TDRD9: variants seen among roughly 807,000 people sequenced by gnomAD.
TDRD9 encodes the protein tudor domain containing 9.
A neutral mutation model predicts 172.6 loss-of-function variants in TDRD9; 124 were observed. The observed-to-expected ratio is 0.72, with a 90% CI of 0.62 to 0.83. The LOEUF (loss-of-function observed/expected upper bound fraction) is 0.83, where lower values mean the gene tolerates loss of function less well. Among genes scored for constraint, TDRD9 ranks in the 40% least tolerant of loss-of-function variants. The probability of loss-of-function intolerance (pLI) is 0.00; values close to 1 mark genes in which losing one functional copy is unlikely to be tolerated. For synonymous variants in TDRD9, 619 were observed against 617.1 expected (o/e 1.00, Z -0.05); for missense variants, 1,479 against 1,714.1 (o/e 0.86, Z 2.42).
chr14:104,009,190 G>T (rs868844179), intron 20 of TDRD9, among the ~76,000 whole-genome samples: 1 of 152,162 alleles, frequency 6.6e-6, no homozygotes, highest in African/African-American at 2.4e-5. Context: ...AAGTATTTCT[G>T]TACCTAAACA....
chr14:104,008,558 A>G, intron 20 of TDRD9, 92 bp downstream of exon 20: 2 of 816,312 alleles, frequency 2.5e-6, no homozygotes, highest in Non-Finnish European at 4.1e-6. Context: ...GTACGTGGGT[A>G]GTAATGAGTA....
intron 28 of TDRD9, among the ~76,000 whole-genome samples, chr14:104,027,370 G>T (rs1322436902): frequency 6.6e-6 from 1 of 151,930 alleles, no homozygotes; most frequent in African/African-American, 2.4e-5. Context: ...TATCTTCTTA[G>T]GATAGATTTG....
intron 11 of TDRD9, among the ~76,000 whole-genome samples, chr14:103,995,484 A>G (rs117615164): frequency 0.011 from 1,619 of 152,240 alleles, 10 homozygotes; most frequent in Middle Eastern, 0.017. Context: ...AAGTTACCAC[A>G]CCAGAAGTCA....
At chr14:103,956,079 TAAAAAAAAAAAAAAAAAAAA>T (rs60712068) in intron 2 of TDRD9, among the ~76,000 whole-genome samples, 2 of 25,192 alleles carry the variant, frequency 7.9e-5, no homozygotes, top group Non-Finnish European at 1.2e-4. Flanking sequence ...ACCCTCTCTT[TAAAAAAAAAAAAAAAAAAAA>T]AAAAAAAAAA....
intron 7 of TDRD9, 41 bp from the exon 8 acceptor site, chr14:103,986,176 C>A: frequency 6.7e-7 from 1 of 1,485,910 alleles, no homozygotes; most frequent in South Asian, 1.2e-5. Context: ...CTTCTGTAAT[C>A]CTGTTTTCGT....
chr14:104,011,095 A>G (rs2034599101), intron 20 of TDRD9, among the ~76,000 whole-genome samples: 1 of 152,180 alleles, frequency 6.6e-6, no homozygotes, highest in Admixed American at 6.5e-5. Context: ...TAGCTCTGTG[A>G]CGGTCTTATG....
intron 7 of TDRD9, among the ~76,000 whole-genome samples, chr14:103,979,734 G>T (rs1051560829): frequency 4.6e-5 from 7 of 152,320 alleles, no homozygotes; most frequent in African/African-American, 1.7e-4. Flanking sequence ...GGTTGTGTTT[G>T]CCAGGTTTCT....
chr14:103,929,621 G>A (rs1411844170), intron 1 of TDRD9, among the ~76,000 whole-genome samples: 2 of 151,710 alleles, frequency 1.3e-5, no homozygotes, highest in African/African-American at 4.9e-5. Context: ...CTAGGTTCAA[G>A]CGATTCTCCT....
chr14:103,972,370 A>T (rs1389815819), intron 6 of TDRD9, among the ~76,000 whole-genome samples: 2 of 152,214 alleles, frequency 1.3e-5, no homozygotes, highest in African/African-American at 4.8e-5. Context: ...TGTTCGAAAT[A>T]GCACCAAAGT....
At chr14:104,022,542 C>G (rs2034989986) in intron 24 of TDRD9, among the ~76,000 whole-genome samples, 1 of 152,114 alleles carries the variant, frequency 6.6e-6, no homozygotes, top group Admixed American at 6.6e-5. Flanking sequence ...GCCTCGCCAA[C>G]ATGATGAAAC....
chr14:104,051,963 G>A lies in TDRD9; in HGVS notation c.4048-18G>A, dbSNP rs376939860. 29 of 1,560,290 alleles carry A rather than the reference G, an allele frequency of 1.9e-5. No individual in the cohort carries two copies. The highest frequency in any genetic ancestry group is 4.7e-5 in the East Asian group (2 of 42,544). The stretch of plus-strand genomic sequence containing the variant: ...CCCTGTCACAGAGCCTGACTGGTCC[G>A]CTTGTCTACCCCATTAGGTTGATCC... On this transcript the variant is annotated intron_variant, in intron 35 of 35. Coordinates refer to ENST00000409874, the MANE Select transcript of TDRD9 (RefSeq NM_153046.3).
intron 5 of TDRD9, among the ~76,000 whole-genome samples, chr14:103,970,210 G>T (rs1357165000): frequency 3.3e-5 from 5 of 152,174 alleles, no homozygotes; most frequent in Admixed American, 2.0e-4. Context: ...CTCTGTGCTT[G>T]AGGTAGGTGG....
At chr14:104,024,422 A>G (rs1596000262) in intron 24 of TDRD9, 147 bp from the exon 25 acceptor site, 1 of 526,522 alleles carries the variant, frequency 1.9e-6, no homozygotes, top group East Asian at 3.2e-5. Context: ...GATGAAATCA[A>G]ATTTGTCATC....
intron 1 of TDRD9, among the ~76,000 whole-genome samples, chr14:103,930,262 C>T (rs1250755586): frequency 6.6e-6 from 1 of 152,010 alleles, no homozygotes; most frequent in African/African-American, 2.4e-5. Context: ...TGTTGGCTCA[C>T]CACAAACCTC....
chr14:103,998,607 T>C lies in TDRD9; in HGVS notation c.1379-17T>C. 7.4e-7 allele frequency: 1 copy of C among 1,360,436 alleles called. No homozygotes were observed. Among genetic ancestry groups the C allele is most frequent in the Non-Finnish European group, 1.0e-6 (1 of 955,640 alleles). The allele number at this position is 1,360,436 out of a possible 1,614,324, so 84.3% of individuals were successfully genotyped here. Reference sequence around the variant, plus strand: ...CTTATTAGCATGGTGTTTACAGTCCTTTTTTTTAAATGGCAGTTATAGATT... The same window carrying C: ...CTTATTAGCATGGTGTTTACAGTCCCTTTTTTTAAATGGCAGTTATAGATT... On this transcript the variant is annotated splice_polypyrimidine_tract_variant and intron_variant, in intron 12 of 35. Coordinates refer to ENST00000409874, the MANE Select transcript of TDRD9 (RefSeq NM_153046.3).
Position 103,955,719 on chromosome 14 carries a change from G to A in TDRD9, c.271G>A (p.Glu91Lys), listed in dbSNP as rs757099722. The A allele has an allele frequency of 4.5e-6, 7 of 1,551,262 alleles. No homozygotes were observed. Among genetic ancestry groups the A allele is most frequent in the Non-Finnish European group, 6.1e-6 (7 of 1,146,864 alleles). ...VEYINKYRQL[E>K]AQELDVCRSV... Reference sequence around the variant, plus strand: ...GTATATTAACAAATACAGACAGCTCGAAGCACAAGAGCTTGATGTGTGTCG... The same window carrying A: ...GTATATTAACAAATACAGACAGCTCAAAGCACAAGAGCTTGATGTGTGTCG... Residue 91 changes from glutamate to lysine, a missense_variant, in exon 2 of 36, where the codon GAA (glutamate) becomes AAA (lysine). By Grantham distance (56) the Glu-to-Lys change is moderately conservative (BLOSUM62 1). Coordinates refer to ENST00000409874, the MANE Select transcript of TDRD9 (RefSeq NM_153046.3).
intron 1 of TDRD9, among the ~76,000 whole-genome samples, chr14:103,952,699 T>A (rs2152128284): frequency 6.6e-6 from 1 of 151,176 alleles, no homozygotes. Flanking sequence ...CGTTTCATTC[T>A]TATCTTAGTG....
rs1282468592 is a variant in TDRD9, at chr14:104,023,719, AC to A, written c.2607-849del. 2.6e-5 allele frequency among the ~76,000 whole-genome samples: 4 copies of A among 152,224 alleles called. 1 individual carries two copies. Among genetic ancestry groups the A allele is most frequent in the African/African-American group, 9.6e-5 (4 of 41,462 alleles). Reference sequence around the variant, plus strand: ...TGTAGAGTTTTCAGTTCTGGGAGGAACTTAACAGGAATCTGAGGAGTTGGTG... The same window carrying A: ...TGTAGAGTTTTCAGTTCTGGGAGGAATTAACAGGAATCTGAGGAGTTGGTG... On this transcript the variant is annotated intron_variant, in intron 24 of 35. Transcript: ENST00000409874.
chr14:103,977,349 C>T lies in TDRD9; in HGVS notation c.1011+1796C>T, dbSNP rs182516041. Among the ~76,000 whole-genome samples, 337 of 151,798 alleles carry T rather than the reference C, an allele frequency of 2.2e-3. 2 individuals are homozygous for T. The highest frequency in any genetic ancestry group is 7.8e-3 in the African/African-American group (324 of 41,386). ...TACTAAAAATAACCAAAAAATTAGC[C>T]GGGCGTGGCGGCAGGTGCCTGTAGT... is the stretch of plus-strand genomic sequence containing the variant. On this transcript the variant is annotated intron_variant, in intron 7 of 35. Coordinates refer to ENST00000409874, the MANE Select transcript of TDRD9 (RefSeq NM_153046.3).
Sources: gnomAD v4.1 joint callset for allele counts (sites outside exome capture counted in the v4.1 genomes callset) on GRCh38, gnomAD v4.1.1 for gene constraint, MANE v1.5 for transcripts, NCBI Gene and HGNC (gene_info 2026-07-23, HGNC 2026-07-21) for gene names.